Variants in KLHL14 observed in about 807,000 individuals in gnomAD.
KLHL14 encodes kelch-like protein 14.
Under a neutral mutation model 64.3 loss-of-function variants are expected in KLHL14, and 22 were observed. The observed-to-expected ratio is 0.34, with a 90% CI of 0.24 to 0.49. The LOEUF (loss-of-function observed/expected upper bound fraction) is 0.49. Among genes scored for constraint, KLHL14 ranks in the 20% least tolerant of loss-of-function variants. The pLI is 0.99. For missense variants in KLHL14, 661 were observed against 789.0 expected, an observed-to-expected ratio of 0.84 and a Z score of 1.94; for synonymous variants, 322 against 333.4, an observed-to-expected ratio of 0.97 and a Z score of 0.37.
chr18:32,684,543 G>A (rs997444783), intron 5 of KLHL14, among the ~76,000 whole-genome samples: 1 of 152,076 alleles, frequency 6.6e-6, no homozygotes, highest in Non-Finnish European at 1.5e-5. Flanking sequence ...TCATTACCAA[G>A]CTTCCATTCA....
chr18:32,760,066 A>T (rs939928513), intron 2 of KLHL14, among the ~76,000 whole-genome samples: 8 of 152,050 alleles, frequency 5.3e-5, no homozygotes, highest in African/African-American at 1.7e-4. Flanking sequence ...GTTGGTTTTG[A>T]GGGGTGCTCA....
At position 32,680,834 on chromosome 18, in the gene KLHL14, A is replaced by G. The variant is rs1035230782; in HGVS notation, c.1239-235T>C. 1.3e-5 allele frequency among the ~76,000 whole-genome samples: 2 copies of G among 152,130 alleles called. No individual in the cohort carries two copies. The highest frequency in any genetic ancestry group is 4.1e-4 in the South Asian group (2 of 4,834). ...ATATTAAAGTAATAGTAGAGGAGAA[A>G]TTCACCAACTCTTTGTTTCAGCCCT... is the stretch of plus-strand genomic sequence containing the variant. On this transcript the variant is annotated intron_variant, in intron 5 of 8. Coordinates refer to ENST00000359358, the MANE Select transcript of KLHL14 (RefSeq NM_020805.3). The surrounding 1 kb of genome is among the most constrained non-coding windows in gnomAD (Gnocchi z 4.8).
intron 4 of KLHL14, among the ~76,000 whole-genome samples, chr18:32,688,201 A>G (rs1273140491): frequency 6.6e-6 from 1 of 152,206 alleles, no homozygotes; most frequent in Non-Finnish European, 1.5e-5. Context: ...GTCTACCTTT[A>G]TTTATATATG....
intron 2 of KLHL14, among the ~76,000 whole-genome samples, chr18:32,768,571 G>A (rs2050359404): frequency 6.6e-6 from 1 of 152,086 alleles, no homozygotes; most frequent in Non-Finnish European, 1.5e-5. Flanking sequence ...GGAGTAGCCT[G>A]GCATCTGGAA....
In KLHL14 at chr18:32,770,363, C is replaced by T. The variant is rs913767156; in HGVS notation, c.229G>A (p.Gly77Ser). 1.3e-6 allele frequency: 2 copies of T among 1,585,962 alleles called. No individual in the cohort carries two copies. The highest frequency in any genetic ancestry group is 1.7e-6 in the Non-Finnish European group (2 of 1,166,096). ...TGCTGGTCCTTGGGGGCCCCCAGGC[C>T]GTCCTGGCCGCCGACCCCTCCCCCG... ...PLGGGVGGQD[G>S]LGAPKDQQQP... Residue 77 changes from glycine (G) to serine (S), a missense_variant, in exon 2 of 9, where the codon GGC becomes AGC. Coordinates refer to ENST00000359358, the MANE Select transcript of KLHL14 (RefSeq NM_020805.3). The surrounding 1 kb of genome is among the most constrained non-coding windows in gnomAD (Gnocchi z 6.7).
chr18:32,761,633 C>A (rs4799335), intron 2 of KLHL14, among the ~76,000 whole-genome samples: 152,064 of 152,264 alleles, frequency 1, 75,932 homozygotes, highest in Middle Eastern at 1. Flanking sequence ...CCAGCCCATG[C>A]CACTTTTCTC....
At position 32,687,254 on chromosome 18, in the gene KLHL14, C is replaced by T. The variant is rs1158194079; in HGVS notation, c.1160-21G>A. On this transcript the variant is annotated intron_variant, in intron 4 of 8. Coordinates refer to ENST00000359358, the MANE Select transcript of KLHL14 (RefSeq NM_020805.3). ...TTTTCCTGTAAAAATGCATTCGAGA[C>T]ATTTAAAACTTAGATTCTTTTGTTG... 1.9e-6 allele frequency: 3 copies of T among 1,581,464 alleles called. No individual in the cohort carries two copies. In the South Asian group the frequency reaches 3.3e-5, roughly 17 times the overall value.
At chr18:32,704,130 A>G (rs1415225757) in intron 3 of KLHL14, among the ~76,000 whole-genome samples, 3 of 152,220 alleles carry the variant, frequency 2.0e-5, no homozygotes, top group African/African-American at 7.2e-5. Flanking sequence ...AACATATATT[A>G]TTTAAGCATT....
chr18:32,708,489 C>A (rs969656596), intron 3 of KLHL14, among the ~76,000 whole-genome samples: 1 of 152,202 alleles, frequency 6.6e-6, no homozygotes, highest in Admixed American at 6.5e-5. Context: ...GTGCCCTATT[C>A]AATCTCTCCC....
In KLHL14 at chr18:32,683,901, T is replaced by C. The variant is rs548201083; in HGVS notation, c.1238+3254A>G. Among the ~76,000 whole-genome samples, 300 of 152,308 alleles carry C rather than the reference T, an allele frequency of 2.0e-3. 1 individual carries two copies. The highest frequency in any genetic ancestry group is 3.5e-3 in the Non-Finnish European group (238 of 68,028). On this transcript the variant is annotated intron_variant, in intron 5 of 8. Coordinates refer to ENST00000359358, the MANE Select transcript of KLHL14 (RefSeq NM_020805.3). The surrounding 1 kb of genome is among the most constrained non-coding windows in gnomAD (Gnocchi z 4.2). ...GAATATTGTCTCCCATTGTTTCTTGTAACACAAAATATTACTAGAAAAACA... is the reference window on the plus strand; with the variant it reads ...GAATATTGTCTCCCATTGTTTCTTGCAACACAAAATATTACTAGAAAAACA...
At chr18:32,745,093 A>G (rs1480200851) in intron 2 of KLHL14, 7 of 152,242 alleles carry the variant, frequency 4.6e-5, no homozygotes, top group African/African-American at 1.7e-4. Flanking sequence ...TGTGTTTTCT[A>G]CAAAGGGGCA....
intron 3 of KLHL14, among the ~76,000 whole-genome samples, chr18:32,706,274 T>C (rs1335113797): frequency 2.6e-5 from 4 of 152,114 alleles, no homozygotes; most frequent in African/African-American, 9.7e-5. Context: ...TAAGGTGCAG[T>C]CCGTGATCTT....
At chr18:32,691,157 G>A (rs547938142) in intron 4 of KLHL14, among the ~76,000 whole-genome samples, 19 of 152,266 alleles carry the variant, frequency 1.2e-4, no homozygotes, top group African/African-American at 4.3e-4. Context: ...CCATATATAG[G>A]AATGTTTCTC....
chr18:32,692,180 GTAAC>G (rs1229208380), intron 4 of KLHL14, among the ~76,000 whole-genome samples: 1 of 152,094 alleles, frequency 6.6e-6, no homozygotes, highest in Non-Finnish European at 1.5e-5. Flanking sequence ...TATATTTCCA[GTAAC>G]TAATATATTT....
rs1284628698 is a variant in KLHL14, at chr18:32,683,356, C to T, written c.1239-2757G>A. On this transcript the variant is annotated intron_variant, in intron 5 of 8. Coordinates refer to ENST00000359358, the MANE Select transcript of KLHL14 (RefSeq NM_020805.3). This position sits in a 1 kb window ranked among gnomAD's most constrained non-coding sequence, Gnocchi z 4.2. Reference sequence around the variant, plus strand: ...AATAGTAAAGATTCTGAGTCTTTGACTTATTCCCTTGCATGACCAAAGTGA... The same window carrying T: ...AATAGTAAAGATTCTGAGTCTTTGATTTATTCCCTTGCATGACCAAAGTGA... Among the ~76,000 whole-genome samples the T allele has an allele frequency of 6.6e-5, 10 of 152,220 alleles. No individual in the cohort carries two copies. Among genetic ancestry groups the T allele is most frequent in the African/African-American group, 2.2e-4 (9 of 41,542 alleles).
At chr18:32,706,687 A>ATATCTTTG (rs2049992335) in intron 3 of KLHL14, among the ~76,000 whole-genome samples, 1 of 152,180 alleles carries the variant, frequency 6.6e-6, no homozygotes, top group Non-Finnish European at 1.5e-5. Context: ...TTCAGTCTAT[A>ATATCTTTG]TATACAAAGA....
rs374457457 is a variant in KLHL14 at position 32,770,277 on chromosome 18, C to G, written c.315G>C (p.Gly105=). ...QQQPPPQEEP[G]TPSSSPDDKL... Reference sequence around the variant, plus strand: ...TGTCGTCGGGGGAGGAAGAAGGAGTCCCGGGCTCCTCCTGCGGCGGCGGCT... The same window carrying G: ...TGTCGTCGGGGGAGGAAGAAGGAGTGCCGGGCTCCTCCTGCGGCGGCGGCT... Residue 105 remains glycine (G), a synonymous_variant, in exon 2 of 9, where the codon GGG becomes GGC. Coordinates refer to ENST00000359358, the MANE Select transcript of KLHL14 (RefSeq NM_020805.3). The surrounding 1 kb of genome is among the most constrained non-coding windows in gnomAD (Gnocchi z 6.7). 4.7e-5 allele frequency: 74 copies of G among 1,591,254 alleles called. No individual in the cohort carries two copies. The East Asian group carries it at 6.9e-4, about 15-fold the overall frequency.
intron 2 of KLHL14, among the ~76,000 whole-genome samples, chr18:32,766,867 A>C (rs777479307): frequency 6.6e-6 from 1 of 152,116 alleles, no homozygotes; most frequent in Non-Finnish European, 1.5e-5. Context: ...CAAAATTAAT[A>C]ATCTTTAAAA....
At chr18:32,710,405 G>T (rs572513551) in intron 3 of KLHL14, among the ~76,000 whole-genome samples, 1 of 152,274 alleles carries the variant, frequency 6.6e-6, no homozygotes, top group Admixed American at 6.5e-5. Flanking sequence ...ATGTGGATAG[G>T]ATGAAGTGAA....
Sources: allele counts gnomAD v4.1 joint callset (sites outside exome capture counted in the v4.1 genomes callset), GRCh38; gene constraint gnomAD v4.1.1; non-coding constraint Gnocchi (gnomAD v3.1); transcripts MANE v1.5; gene names NCBI Gene and HGNC (gene_info 2026-07-23, HGNC 2026-07-21).